The following ECPAS variants were observed in gnomAD, a reference collection of about 807,000 sequenced individuals.
ECPAS encodes Ecm29 proteasome adaptor and scaffold.
In ECPAS, 70 loss-of-function variants were observed where a neutral mutation model predicts 255.1. The ratio of observed to expected loss-of-function variants is 0.27; its 90% CI spans 0.23 to 0.33. The LOEUF (loss-of-function observed/expected upper bound fraction) is 0.33, where lower values mean the gene tolerates loss of function less well. Ranked by LOEUF, ECPAS falls within the 10% of genes least tolerant of loss-of-function variation. ECPAS has a pLI of 1.00. For synonymous variants in ECPAS, 784 were observed against 775.0 expected, an observed-to-expected ratio of 1.01 and a Z score of -0.19; for missense variants, 1,817 against 2,206.4, an observed-to-expected ratio of 0.82 and a Z score of 3.54.
At chr9:111,372,150 A>ACCC (rs2098128135) in intron 42 of ECPAS, among the ~76,000 whole-genome samples, 1 of 152,256 alleles carries the variant, frequency 6.6e-6, no homozygotes, top group Non-Finnish European at 1.5e-5. Context: ...TTAATTAAAA[A>ACCC]TGTAAAGCTC....
rs766812590 is a variant in ECPAS, at chr9:111,422,146, T to G, written c.1320A>C (p.Glu440Asp). 1 of 1,613,836 alleles carries G rather than the reference T, an allele frequency of 6.2e-7. No homozygotes were observed. The highest frequency in any genetic ancestry group is 8.5e-7 in the Non-Finnish European group (1 of 1,179,786). Residue 440 changes from glutamate (E) to aspartate (D), a missense_variant, in exon 14 of 50, where the codon GAA becomes GAC. Around this residue, in one of 4 missense-constraint regions of ECPAS, gnomAD observed 573 missense variants for 716.2 expected, o/e 0.80. Transcript: ENST00000684092. ...GCTGTTTCCCTACCTTGCAAAGGGC[T>G]TCAAAAAGCTGCTGCACAAGCGCTA... ...KDIALVQQLF[E>D]ALCKEEPETR...
intron 34 of ECPAS, 76 bp downstream of exon 34, chr9:111,384,446 G>A: frequency 7.6e-7 from 1 of 1,308,912 alleles, no homozygotes; most frequent in South Asian, 1.2e-5. Context: ...CTTTTCCTAT[G>A]ACAGTAAGTA....
chr9:111,404,580 T>C (rs1373647509), intron 24 of ECPAS, among the ~76,000 whole-genome samples: 3 of 149,210 alleles, frequency 2.0e-5, no homozygotes, highest in African/African-American at 7.7e-5. Context: ...GTTATTTTTC[T>C]CCTGCTCCTG....
At chr9:111,446,662 C>T (rs1259079641) in intron 3 of ECPAS, among the ~76,000 whole-genome samples, 1 of 152,182 alleles carries the variant, frequency 6.6e-6, no homozygotes, top group Non-Finnish European at 1.5e-5. Flanking sequence ...TTCCCCCAGG[C>T]ATTCCTTATC....
At chr9:111,431,243 T>C (rs1029359556) in intron 8 of ECPAS, among the ~76,000 whole-genome samples, 1 of 152,122 alleles carries the variant, frequency 6.6e-6, no homozygotes, top group Admixed American at 6.6e-5. Flanking sequence ...GGCCCCACAA[T>C]AAGGTGAATT....
intron 2 of ECPAS, among the ~76,000 whole-genome samples, chr9:111,463,418 C>T (rs977482012): frequency 6.6e-6 from 1 of 152,130 alleles, no homozygotes; most frequent in African/African-American, 2.4e-5. Context: ...AAGCCCCCAA[C>T]AGTCAAACAT....
At chr9:111,402,571 T>C (rs2098177790) in intron 24 of ECPAS, among the ~76,000 whole-genome samples, 1 of 152,216 alleles carries the variant, frequency 6.6e-6, no homozygotes, top group Non-Finnish European at 1.5e-5. Flanking sequence ...ATCTTTAGTA[T>C]GAAGACTAAA....
At chr9:111,395,425 C>T (rs535316615) in intron 25 of ECPAS, among the ~76,000 whole-genome samples, 48 of 152,296 alleles carry the variant, frequency 3.2e-4, no homozygotes, top group African/African-American at 1.1e-3. Flanking sequence ...ATAGAACACG[C>T]ATGATCAAAA....
At chr9:111,456,388 A>C (rs1342789285) in intron 2 of ECPAS, among the ~76,000 whole-genome samples, 1 of 152,230 alleles carries the variant, frequency 6.6e-6, no homozygotes, top group African/African-American at 2.4e-5. Flanking sequence ...AAGAATAAGA[A>C]TGGAGTCTTC....
At chr9:111,367,654 A>G (rs968873108) in intron 46 of ECPAS, among the ~76,000 whole-genome samples, 1 of 152,214 alleles carries the variant, frequency 6.6e-6, no homozygotes, top group African/African-American at 2.4e-5. Flanking sequence ...TAGCAAATAT[A>G]TAAGTTCACA....
intron 3 of ECPAS, among the ~76,000 whole-genome samples, chr9:111,451,141 T>C (rs750952430): frequency 6.6e-6 from 1 of 152,204 alleles, no homozygotes; most frequent in Non-Finnish European, 1.5e-5. Context: ...TTGGAATCAA[T>C]GGCATGGATT....
chr9:111,398,571 G>C (rs1016177990), intron 24 of ECPAS, among the ~76,000 whole-genome samples: 10 of 152,088 alleles, frequency 6.6e-5, no homozygotes, highest in African/African-American at 1.4e-4. Context: ...TTACAAGAGG[G>C]AGCAGGCGGC....
intron 1 of ECPAS, among the ~76,000 whole-genome samples, chr9:111,478,534 AAAT>A (rs945517474): frequency 2.0e-5 from 3 of 152,070 alleles, no homozygotes; most frequent in South Asian, 2.1e-4. Context: ...CTCAAAAACA[AAAT>A]AATAAACAAA....
At chr9:111,372,299 A>T (rs2098128312) in intron 42 of ECPAS, 130 bp downstream of exon 42, 1 of 876,188 alleles carries the variant, frequency 1.1e-6, no homozygotes, top group Non-Finnish European at 1.8e-6. Context: ...GGATGGGTTT[A>T]AAACTAAATG....
chr9:111,379,698 T>C (rs1297795765), intron 35 of ECPAS, among the ~76,000 whole-genome samples: 2 of 152,262 alleles, frequency 1.3e-5, no homozygotes, highest in African/African-American at 2.4e-5. Flanking sequence ...TGTTGCTTTA[T>C]CAACTAAGTT....
At chr9:111,447,891 C>T (rs2098255397) in intron 3 of ECPAS, among the ~76,000 whole-genome samples, 1 of 152,078 alleles carries the variant, frequency 6.6e-6, no homozygotes, top group Non-Finnish European at 1.5e-5. Context: ...TGTCCTTTCA[C>T]AGCCCCTTGA....
intron 2 of ECPAS, among the ~76,000 whole-genome samples, chr9:111,466,318 A>G (rs149308002): frequency 0.066 from 10,044 of 151,990 alleles, 479 homozygotes; most frequent in East Asian, 0.21. Context: ...GATGGTGTGC[A>G]TCTGTAATCC....
chr9:111,479,601 GACA>G (rs937195090), intron 1 of ECPAS, among the ~76,000 whole-genome samples: 2 of 151,124 alleles, frequency 1.3e-5, no homozygotes, highest in Middle Eastern at 3.4e-3. Context: ...TCCAGAAAAA[GACA>G]ACAAAAAAAA....
At chr9:111,469,603 G>A (rs903303268) in intron 2 of ECPAS, among the ~76,000 whole-genome samples, 5 of 151,786 alleles carry the variant, frequency 3.3e-5, no homozygotes, top group Non-Finnish European at 7.4e-5. Context: ...AAGGTCAGGA[G>A]ATCGAGACCA....
Sources: gnomAD v4.1 joint callset for allele counts (sites outside exome capture counted in the v4.1 genomes callset) on GRCh38, gnomAD v4.1.1 for gene constraint, gnomAD v4.1.1 regional missense constraint, MANE v1.5 for transcripts, NCBI Gene and HGNC (gene_info 2026-07-23, HGNC 2026-07-21) for gene names.